The following ZNF510 variants were observed in gnomAD, a reference collection of about 807,000 sequenced individuals.
The protein encoded by ZNF510 is zinc finger protein 510.
A neutral mutation model predicts 18.1 loss-of-function variants in ZNF510; 15 were observed. That is an observed-to-expected ratio of 0.83 (90% confidence interval 0.55 to 1.28). The LOEUF (loss-of-function observed/expected upper bound fraction) is 1.28, where lower values mean the gene tolerates loss of function less well. Ranked by LOEUF, ZNF510 falls within the 50% of genes most tolerant of loss-of-function variation. ZNF510 has a pLI of 0.00. For synonymous variants in ZNF510, 261 were observed against 266.4 expected, an observed-to-expected ratio of 0.98 and a Z score of 0.20; for missense variants, 724 against 791.8, an observed-to-expected ratio of 0.91 and a Z score of 1.03.
At chr9:96,775,874 T>A (rs1027148231) in intron 2 of ZNF510, 126 bp downstream of exon 2, 91 of 1,231,580 alleles carry the variant, frequency 7.4e-5, no homozygotes, top group Non-Finnish European at 9.9e-5. Context: ...ATGAGGAGGA[T>A]TAGAGACAAT....
chr9:96,762,874 G>C, intron 5 of ZNF510: 1 of 288,392 alleles, frequency 3.5e-6, no homozygotes, highest in Non-Finnish European at 6.6e-6. Flanking sequence ...TCCTTTCTAA[G>C]TTATTTGCAC....
At chr9:96,763,467 A>G in intron 4 of ZNF510, 39 bp downstream of exon 4, 1 of 1,566,702 alleles carries the variant, frequency 6.4e-7, no homozygotes, top group Non-Finnish European at 8.6e-7. Context: ...AATACCTTCT[A>G]TATGGAGTTA....
intron 3 of ZNF510, among the ~76,000 whole-genome samples, chr9:96,766,648 A>G (rs1849479074): frequency 6.6e-6 from 1 of 152,178 alleles, no homozygotes; most frequent in South Asian, 2.1e-4. Flanking sequence ...CACATTAAAA[A>G]AAAAGGACAG....
chr9:96,763,501 C>T lies in ZNF510; in HGVS notation c.256+5G>A. On this transcript the variant is annotated splice_donor_5th_base_variant and intron_variant, in intron 4 of 5. Coordinates refer to ENST00000223428, the MANE Select transcript of ZNF510 (RefSeq NM_014930.3). ...TACAAGGGTAAGTTATGTTTACATG[C>T]TTACCCACTGAGACGAGGTTGCTGT... The T allele has an allele frequency of 1.2e-6, 2 of 1,603,542 alleles. No homozygotes were observed. Among genetic ancestry groups the T allele is most frequent in the Non-Finnish European group, 1.7e-6 (2 of 1,176,302 alleles).
rs766130795 is a variant in ZNF510, at chr9:96,758,754, C to CA, written c.*23dup. ...ATATCAAATGGGGTATTCCTTTTGT[C>CA]AAAAGGATTTTCTAGTTATTACATC... On this transcript the variant is annotated 3_prime_UTR_variant, in exon 6 of 6. Coordinates refer to ENST00000223428, the MANE Select transcript of ZNF510 (RefSeq NM_014930.3). 10 of 1,528,080 alleles carry CA rather than the reference C, an allele frequency of 6.5e-6. No homozygotes were observed. Among genetic ancestry groups the CA allele is most frequent in the Non-Finnish European group, 8.8e-6 (10 of 1,141,292 alleles). 94.7% of individuals were successfully genotyped at this position (1,528,080 alleles called of 1,614,324 possible).
intron 5 of ZNF510, among the ~76,000 whole-genome samples, chr9:96,761,798 G>A (rs975375855): frequency 6.6e-6 from 1 of 151,998 alleles, no homozygotes; most frequent in African/African-American, 2.4e-5. Flanking sequence ...ATTTTATGTG[G>A]CTGTATAATT....
chr9:96,763,792 T>A, intron 3 of ZNF510, 160 bp from the exon 4 acceptor site: 2 of 744,742 alleles, frequency 2.7e-6, no homozygotes, highest in Non-Finnish European at 4.0e-6. Context: ...TTGAAGGTAT[T>A]AAATTGGTAA....
At chr9:96,765,846 C>T (rs1849457709) in intron 3 of ZNF510, among the ~76,000 whole-genome samples, 1 of 152,018 alleles carries the variant, frequency 6.6e-6, no homozygotes, top group Non-Finnish European at 1.5e-5. Context: ...ATATGTATAA[C>T]AGTTATGTGC....
chr9:96,774,749 T>A (rs187648761), intron 3 of ZNF510, 39 bp downstream of exon 3: 503 of 1,563,826 alleles, frequency 3.2e-4, no homozygotes, highest in Non-Finnish European at 3.9e-4. Flanking sequence ...TAAACACCTA[T>A]GAAATCCATG....
chr9:96,763,250 A>G, intron 4 of ZNF510, 37 bp from the exon 5 acceptor site: 1 of 1,599,584 alleles, frequency 6.3e-7, no homozygotes, highest in Non-Finnish European at 8.6e-7. Flanking sequence ...TAGACCAGAT[A>G]TATGAGATTT....
Position 96,775,785 on chromosome 9 carries a change from G to A in ZNF510, c.70+215C>T, listed in dbSNP as rs74822929. Among the ~76,000 whole-genome samples the A allele has an allele frequency of 0.02, 3,121 of 152,268 alleles. 183 individuals carry two copies. The East Asian group carries it at 0.24, about 11-fold the overall frequency. ...AGGCAACCTTAGTAAATTTCTAGATGCTACATGTGATGGATGTTGTGTGAG... is the reference window on the plus strand; with the variant it reads ...AGGCAACCTTAGTAAATTTCTAGATACTACATGTGATGGATGTTGTGTGAG... On this transcript the variant is annotated intron_variant, in intron 2 of 5. Coordinates refer to ENST00000223428, the MANE Select transcript of ZNF510 (RefSeq NM_014930.3).
chr9:96,763,533 C>T lies in ZNF510; in HGVS notation c.229G>A (p.Glu77Lys), dbSNP rs761154814. 1 of 1,609,694 alleles carries T rather than the reference C, an allele frequency of 6.2e-7. No individual in the cohort carries two copies. Among genetic ancestry groups the T allele is most frequent in the Admixed American group, 1.7e-5 (1 of 58,872 alleles). The change falls in exon 4 of 6, where the codon GAG (glutamate) becomes AAG (lysine). Residue 77 changes from glutamate to lysine, a missense_variant. Physicochemically the swap from Glu to Lys is moderately conservative, Grantham distance 56. Transcript: ENST00000223428. ...QKNLYRDVML[E>K]NYSNLVSVGY... is the part of the protein sequence containing the mutation. ...ACTGAGACGAGGTTGCTGTAGTTCTCCAGCATCACATCTCTGTACAGATTC... is the reference window on the plus strand; with the variant it reads ...ACTGAGACGAGGTTGCTGTAGTTCTTCAGCATCACATCTCTGTACAGATTC...
rs370500885 is a variant in ZNF510 at position 96,770,558 on chromosome 9, G to A, written c.129+4230C>T. On this transcript the variant is annotated intron_variant, in intron 3 of 5. Coordinates refer to ENST00000223428, the MANE Select transcript of ZNF510 (RefSeq NM_014930.3). ...GCGGATGTTGCAGTGAACTGAGATC[G>A]TGCCATTGCAATCCAGCCTGAGCGA... Among the ~76,000 whole-genome samples, 63 of 151,934 alleles carry A rather than the reference G, an allele frequency of 4.1e-4. 1 individual carries two copies. The highest frequency in any genetic ancestry group is 9.8e-4 in the Admixed American group (15 of 15,256).
chr9:96,764,926 AAC>A (rs1342142622), intron 3 of ZNF510, among the ~76,000 whole-genome samples: 1 of 152,118 alleles, frequency 6.6e-6, no homozygotes. Context: ...CAGCCTGACC[AAC>A]GTGGTGAAAC....
Position 96,759,285 on chromosome 9 carries a change from G to C in ZNF510, c.1545C>G (p.Ser515=). 4 of 1,613,942 alleles carry C rather than the reference G, an allele frequency of 2.5e-6. No individual in the cohort carries two copies. The highest frequency in any genetic ancestry group is 3.4e-6 in the Non-Finnish European group (4 of 1,179,968). Residue 515 remains serine, a synonymous_variant, in exon 6 of 6, where the codon TCC becomes TCG. Transcript: ENST00000223428. Reference sequence around the variant, plus strand: ...TTTTTCCACATTGATTGCATTGAAAGGATTTCTCCCCTGTGTGAATTCTGT... The same window carrying C: ...TTTTTCCACATTGATTGCATTGAAACGATTTCTCCCCTGTGTGAATTCTGT... ...DHHRIHTGEK[S]FQCNQCGKTF...
At chr9:96,768,743 ATTG>A (rs1849528032) in intron 3 of ZNF510, among the ~76,000 whole-genome samples, 1 of 152,208 alleles carries the variant, frequency 6.6e-6, no homozygotes, top group Admixed American at 6.5e-5. Flanking sequence ...AAGATTTAAA[ATTG>A]TTAAGATGAC....
intron 1 of ZNF510, chr9:96,777,586 G>A (rs533321379): frequency 6.6e-6 from 1 of 152,276 alleles, no homozygotes; most frequent in Admixed American, 6.5e-5. Flanking sequence ...GCTTACCTCT[G>A]AACGACACAA....
chr9:96,777,493 A>G (rs908177489), intron 1 of ZNF510: 8 of 152,248 alleles, frequency 5.3e-5, no homozygotes, highest in Admixed American at 5.2e-4. Context: ...TGAAAAGAAC[A>G]AAGTGTCTTC....
In ZNF510 at chr9:96,763,627, T is replaced by C. The variant is rs10978862; in HGVS notation, c.135A>G (p.Ser45=). The part of the protein sequence containing the change: ...EQQKMNISQA[S]VSFKDVTIEF... ...CTATAGTCACGTCCTTGAATGACAC[T>C]GATGCCTGTAACAGTACATTTCTAT... Residue 45 remains serine (S), a synonymous_variant, in exon 4 of 6, where the codon TCA becomes TCG. Coordinates refer to ENST00000223428, the MANE Select transcript of ZNF510 (RefSeq NM_014930.3). The C allele has an allele frequency of 0.044, 71,035 of 1,608,468 alleles. 4,769 individuals carry two copies. Among genetic ancestry groups the C allele is most frequent in the East Asian group, 0.27 (12,088 of 44,804 alleles).
Sources: allele counts gnomAD v4.1 joint callset (sites outside exome capture counted in the v4.1 genomes callset), GRCh38; gene constraint gnomAD v4.1.1; transcripts MANE v1.5; gene names NCBI Gene and HGNC (gene_info 2026-07-23, HGNC 2026-07-21).